Variants in AXDND1 observed in about 807,000 individuals in gnomAD.
AXDND1 encodes the protein axonemal dynein light chain domain containing 1.
In AXDND1, 110 loss-of-function variants were observed where a neutral mutation model predicts 137.5. The ratio of observed to expected loss-of-function variants is 0.80; its 90% CI spans 0.69 to 0.94. AXDND1 has a LOEUF of 0.94. Among genes scored for constraint, AXDND1 ranks in the 40% least tolerant of loss-of-function variants. The probability of loss-of-function intolerance (pLI) is 0.00; values close to 1 mark genes in which losing one functional copy is unlikely to be tolerated. For synonymous variants in AXDND1, 414 were observed against 399.7 expected (o/e 1.04, Z -0.43); for missense variants, 1,191 against 1,169.8 (o/e 1.02, Z -0.26).
intron 17 of AXDND1, among the ~76,000 whole-genome samples, chr1:179,476,530 A>G (rs1377393093): frequency 6.7e-6 from 1 of 150,088 alleles, no homozygotes; most frequent in Non-Finnish European, 1.5e-5. Context: ...TATTGTAAGG[A>G]AAGTCTACTA....
At position 179,458,736 on chromosome 1, in the gene AXDND1, A is replaced by G. The variant is rs938131032; in HGVS notation, c.1799-9707A>G. Among the ~76,000 whole-genome samples the G allele has an allele frequency of 1.1e-4, 15 of 133,596 alleles. 1 individual carries two copies. The East Asian group carries it at 2.1e-3, about 19-fold the overall frequency. The allele number at this position is 133,596 out of a possible 152,430, so 87.6% of individuals were successfully genotyped here. On this transcript the variant is annotated intron_variant, in intron 16 of 25. Transcript: ENST00000367618. ...AAAAGTCTAAATTAAATATCCCTAG[A>G]AAAAAACTACATAAATATAATACTA...
chr1:179,517,183 G>A (rs1011122462), intron 21 of AXDND1, among the ~76,000 whole-genome samples: 4 of 152,168 alleles, frequency 2.6e-5, no homozygotes, highest in Non-Finnish European at 5.9e-5. Context: ...GTACCTAGGA[G>A]GATTATGGCT....
chr1:179,440,060 A>C (rs1030586277), intron 15 of AXDND1, among the ~76,000 whole-genome samples: 6 of 152,220 alleles, frequency 3.9e-5, no homozygotes, highest in Non-Finnish European at 7.3e-5. Context: ...ACCAGGAGTC[A>C]AAAAATTTAA....
At chr1:179,370,873 A>C (rs1667968752) in intron 4 of AXDND1, among the ~76,000 whole-genome samples, 1 of 152,198 alleles carries the variant, frequency 6.6e-6, no homozygotes, top group South Asian at 2.1e-4. Flanking sequence ...TAAAGCACAA[A>C]TAAGATAATA....
At chr1:179,482,953 T>G (rs1350231278) in intron 17 of AXDND1, among the ~76,000 whole-genome samples, 175 bp from the exon 18 acceptor site, 1 of 150,472 alleles carries the variant, frequency 6.6e-6, no homozygotes. Context: ...TGTCAGTGAG[T>G]AAACTATCAT....
intron 4 of AXDND1, among the ~76,000 whole-genome samples, chr1:179,370,903 A>C (rs760388612): frequency 1.4e-4 from 22 of 152,208 alleles, no homozygotes; most frequent in Non-Finnish European, 2.2e-4. Flanking sequence ...GCACTTGTAA[A>C]ACTATAATGT....
At chr1:179,423,542 G>A (rs6425543) in intron 12 of AXDND1, among the ~76,000 whole-genome samples, 97,641 of 151,772 alleles carry the variant, frequency 0.64, 31,765 homozygotes, top group Middle Eastern at 0.7. Context: ...TGATTAAGTG[G>A]TTATCTCTGA....
At chr1:179,496,418 A>G (rs557504359) in intron 20 of AXDND1, among the ~76,000 whole-genome samples, 17 of 152,182 alleles carry the variant, frequency 1.1e-4, no homozygotes, top group African/African-American at 4.1e-4. Context: ...ATATAGAGCT[A>G]TTATTTCCTT....
intron 25 of AXDND1, chr1:179,552,232 GCTTGGGATACA>G (rs1359764715): frequency 3.6e-6 from 1 of 277,488 alleles, no homozygotes; most frequent in African/African-American, 2.2e-5. Flanking sequence ...CTTGTGCCAA[GCTTGGGATACA>G]GTTCTAGGGG....
chr1:179,430,341 T>G (rs1385388044), intron 13 of AXDND1, 111 bp from the exon 14 acceptor site: 4 of 835,220 alleles, frequency 4.8e-6, no homozygotes, highest in Non-Finnish European at 7.1e-6. Flanking sequence ...TTAATCAATT[T>G]TCTATGAATT....
chr1:179,467,539 A>C (rs12132312), intron 16 of AXDND1, among the ~76,000 whole-genome samples: 25,529 of 152,164 alleles, frequency 0.17, 2,492 homozygotes, highest in East Asian at 0.35. Flanking sequence ...CATAGGTTAT[A>C]TGCAAATACC....
At chr1:179,410,556 TC>T (rs1653716877) in intron 11 of AXDND1, among the ~76,000 whole-genome samples, 1 of 152,148 alleles carries the variant, frequency 6.6e-6, no homozygotes, top group South Asian at 2.1e-4. Context: ...AAATGAAGCT[TC>T]AGTGTAAATT....
In AXDND1 at chr1:179,445,090, C is replaced by T. The variant is rs768020643; in HGVS notation, c.1684C>T (p.Arg562Trp). 36 of 1,613,032 alleles carry T rather than the reference C, an allele frequency of 2.2e-5. 1 individual carries two copies. The highest frequency in any genetic ancestry group is 2.6e-5 in the Non-Finnish European group (31 of 1,179,384). ...WADIGLGIFN[R>W]HKSLEGEMPS... ...AGATATTGGGCTTGGGATATTTAAT[C>T]GGCATAAAAGTTTGGAGGGGGAGAT... The change falls in exon 16 of 26, where the codon CGG becomes TGG. Residue 562 changes from arginine to tryptophan, a missense_variant. Transcript: ENST00000367618.
intron 23 of AXDND1, 82 bp from the exon 24 acceptor site, chr1:179,533,713 T>C (rs1671248454): frequency 9.2e-7 from 1 of 1,092,036 alleles, no homozygotes; most frequent in South Asian, 1.3e-5. Context: ...TTCTAGAAGG[T>C]TTGATCCAGA....
At chr1:179,473,946 GGGTGT>G (rs933555087) in intron 17 of AXDND1, among the ~76,000 whole-genome samples, 21 of 152,250 alleles carry the variant, frequency 1.4e-4, no homozygotes, top group African/African-American at 5.1e-4. Flanking sequence ...AGTCTTGGCT[GGGTGT>G]GGTGGCTCAC....
intron 17 of AXDND1, among the ~76,000 whole-genome samples, chr1:179,476,071 T>G (rs1664589570): frequency 1.3e-5 from 2 of 152,204 alleles, no homozygotes; most frequent in Non-Finnish European, 2.9e-5. Flanking sequence ...ACGCCATGAT[T>G]ATAAGCTGCT....
intron 20 of AXDND1, among the ~76,000 whole-genome samples, chr1:179,508,900 C>G (rs1475637712): frequency 6.6e-6 from 1 of 152,128 alleles, no homozygotes; most frequent in Non-Finnish European, 1.5e-5. Flanking sequence ...ATGCATAATG[C>G]TTAGAACAGA....
chr1:179,427,169 A>G lies in AXDND1; in HGVS notation c.1231-2349A>G, dbSNP rs1656693613. Among the ~76,000 whole-genome samples, 6 of 135,468 alleles carry G rather than the reference A, an allele frequency of 4.4e-5. No homozygotes were observed. The South Asian group carries it at 1.4e-3, about 31-fold the overall frequency. 88.9% of individuals were successfully genotyped at this position (135,468 alleles called of 152,430 possible). On this transcript the variant is annotated intron_variant, in intron 12 of 25. Transcript: ENST00000367618. ...ATAGAGTGAGGATCAGTCTCAAAACAAAAACAAGAACAAAAACAAACAAAA... is the reference window on the plus strand; with the variant it reads ...ATAGAGTGAGGATCAGTCTCAAAACGAAAACAAGAACAAAAACAAACAAAA...
At chr1:179,552,704 A>G (rs751321496) in intron 25 of AXDND1, 4 of 1,592,734 alleles carry the variant, frequency 2.5e-6, no homozygotes, top group East Asian at 4.5e-5. Flanking sequence ...GAATGCAGGT[A>G]TGTAGGTGTG....
Sources: gnomAD v4.1 joint callset for allele counts (sites outside exome capture counted in the v4.1 genomes callset) on GRCh38, gnomAD v4.1.1 for gene constraint, MANE v1.5 for transcripts, NCBI Gene and HGNC (gene_info 2026-07-23, HGNC 2026-07-21) for gene names.